Variants in ECT2L observed in about 807,000 individuals in gnomAD.
The protein encoded by ECT2L is epithelial cell transforming 2 like.
In ECT2L, 126 loss-of-function variants were observed where a neutral mutation model predicts 122.8. That is an observed-to-expected ratio of 1.03 (90% CI 0.89 to 1.19). The LOEUF (loss-of-function observed/expected upper bound fraction) is 1.19, where lower values mean the gene tolerates loss of function less well. Ranked by LOEUF, ECT2L falls within the 50% of genes most tolerant of loss-of-function variation. The probability of loss-of-function intolerance (pLI) is 0.00; values close to 1 mark genes in which losing one functional copy is unlikely to be tolerated. For missense variants in ECT2L, 1,012 were observed against 1,064.1 expected (o/e 0.95, Z 0.68); for synonymous variants, 385 against 381.8 (o/e 1.01, Z -0.10).
At chr6:138,846,707 CTGA>C in intron 8 of ECT2L, 30 bp downstream of exon 8, 1 of 1,444,604 alleles carries the variant, frequency 6.9e-7, no homozygotes, top group Non-Finnish European at 9.2e-7. Flanking sequence ...CAGTCCTGTC[CTGA>C]TTGTTTTTTT....
At chr6:138,821,995 T>C (rs948981309) in intron 4 of ECT2L, among the ~76,000 whole-genome samples, 1 of 152,254 alleles carries the variant, frequency 6.6e-6, no homozygotes. Context: ...GACTTCAGAC[T>C]TCTGACCTCC....
At chr6:138,849,808 C>T (rs1777369407) in intron 9 of ECT2L, among the ~76,000 whole-genome samples, 1 of 152,080 alleles carries the variant, frequency 6.6e-6, no homozygotes, top group African/African-American at 2.4e-5. Context: ...CCTGCCTTAG[C>T]CTCTCAAAGG....
intron 4 of ECT2L, among the ~76,000 whole-genome samples, chr6:138,820,000 C>A (rs9321677): frequency 0.61 from 93,121 of 152,022 alleles, 28,633 homozygotes; most frequent in Middle Eastern, 0.69. Flanking sequence ...AAATCTTTCC[C>A]CTTGTCTTTC....
At chr6:138,864,748 T>C (rs1777965796) in intron 11 of ECT2L, among the ~76,000 whole-genome samples, 1 of 152,196 alleles carries the variant, frequency 6.6e-6, no homozygotes, top group Non-Finnish European at 1.5e-5. Flanking sequence ...TCTTTAAACA[T>C]TGAATGGAAT....
At chr6:138,854,342 C>T (rs1777545970) in intron 10 of ECT2L, among the ~76,000 whole-genome samples, 188 bp downstream of exon 10, 1 of 152,104 alleles carries the variant, frequency 6.6e-6, no homozygotes, top group Admixed American at 6.5e-5. Context: ...TGAAAGTAAC[C>T]TGTCTCTACA....
In ECT2L at chr6:138,902,686, A is replaced by G. The variant is rs1397478179; in HGVS notation, c.*59A>G. On this transcript the variant is annotated 3_prime_UTR_variant, in exon 22 of 22. Coordinates refer to ENST00000541398, the MANE Select transcript of ECT2L (RefSeq NM_001077706.3). ...TCCCCAGCAAAGACAGACAACATGT[A>G]TTTTCTGTTCCAAAATATCCAGTAA... 4.4e-6 allele frequency: 7 copies of G among 1,593,810 alleles called. No homozygotes were observed. Among genetic ancestry groups the G allele is most frequent in the Non-Finnish European group, 6.0e-6 (7 of 1,167,706 alleles).
chr6:138,832,043 T>C (rs1262676318), intron 4 of ECT2L, among the ~76,000 whole-genome samples: 1 of 152,212 alleles, frequency 6.6e-6, no homozygotes, highest in East Asian at 1.9e-4. Context: ...TTTTATCATT[T>C]TAAATGACTT....
intron 10 of ECT2L, among the ~76,000 whole-genome samples, chr6:138,861,768 T>C (rs528227354): frequency 1.4e-4 from 21 of 152,348 alleles, no homozygotes; most frequent in Middle Eastern, 6.8e-3. Flanking sequence ...TTGTTGCAAT[T>C]GCTTTTGGTG....
chr6:138,805,562 AG>A (rs1040696003), intron 1 of ECT2L, among the ~76,000 whole-genome samples: 8 of 152,026 alleles, frequency 5.3e-5, no homozygotes, highest in African/African-American at 1.9e-4. Context: ...CTTTGTATGT[AG>A]GGGGCTGGGG....
At chr6:138,835,112 T>G (rs905699066) in intron 4 of ECT2L, among the ~76,000 whole-genome samples, 1 of 151,670 alleles carries the variant, frequency 6.6e-6, no homozygotes, top group Non-Finnish European at 1.5e-5. Context: ...AACTTGGAAC[T>G]GAAGCAAACT....
At chr6:138,875,870 C>T (rs1166701134) in intron 13 of ECT2L, among the ~76,000 whole-genome samples, 2 of 152,192 alleles carry the variant, frequency 1.3e-5, no homozygotes, top group African/African-American at 2.4e-5. Context: ...CCTGTAATCC[C>T]AGCACTTTGG....
At chr6:138,804,849 C>G (rs1775661793) in intron 1 of ECT2L, among the ~76,000 whole-genome samples, 1 of 152,152 alleles carries the variant, frequency 6.6e-6, no homozygotes, top group African/African-American at 2.4e-5. Context: ...ATTTTATAAA[C>G]TTCTTGATTG....
At chr6:138,806,815 G>A (rs1045077552) in intron 1 of ECT2L, among the ~76,000 whole-genome samples, 5 of 151,992 alleles carry the variant, frequency 3.3e-5, no homozygotes, top group Admixed American at 6.6e-5. Context: ...ACCTGGCCAC[G>A]CATAGCTTTT....
chr6:138,811,434 C>T lies in ECT2L; in HGVS notation c.-243-1404C>T, dbSNP rs189909684. 2.9e-3 allele frequency among the ~76,000 whole-genome samples: 446 copies of T among 152,332 alleles called. 1 individual carries two copies. Among genetic ancestry groups the T allele is most frequent in the Admixed American group, 0.016 (239 of 15,302 alleles). On this transcript the variant is annotated intron_variant, in intron 1 of 21. Transcript: ENST00000541398. ...CTGGTTATGAACTGAGATGTATCCC[C>T]TTTCCCCACAAATTATATGTTGAAG... is the stretch of plus-strand genomic sequence containing the variant.
At chr6:138,882,467 T>C (rs1562490512) in intron 15 of ECT2L, among the ~76,000 whole-genome samples, 1 of 152,148 alleles carries the variant, frequency 6.6e-6, no homozygotes, top group Non-Finnish European at 1.5e-5. Context: ...GCAGCTGTAT[T>C]GTGGCCATTG....
At chr6:138,840,174 CTCA>C (rs781740139) in intron 5 of ECT2L, among the ~76,000 whole-genome samples, 39 of 151,976 alleles carry the variant, frequency 2.6e-4, no homozygotes, top group Non-Finnish European at 4.7e-4. Flanking sequence ...GATCTTCACC[CTCA>C]TCATCTTCAT....
intron 13 of ECT2L, among the ~76,000 whole-genome samples, chr6:138,876,070 G>A (rs1778439139): frequency 6.6e-6 from 1 of 151,816 alleles, no homozygotes; most frequent in African/African-American, 2.4e-5. Context: ...AGTGAGCCGA[G>A]ATTGTGCCAT....
intron 2 of ECT2L, 30 bp downstream of exon 2, chr6:138,813,007 A>C: frequency 3.1e-6 from 1 of 327,672 alleles, no homozygotes; most frequent in Non-Finnish European, 5.5e-6. Context: ...AATGATTTGA[A>C]GTTAATGGGA....
Position 138,881,108 on chromosome 6 carries a change from TTC to T in ECT2L, c.1819_1820del (p.Leu607GlufsTer11), listed in dbSNP as rs778610974. On this transcript the variant is annotated frameshift_variant, in exon 15 of 22. Transcript: ENST00000541398. LOFTEE classifies it high-confidence loss of function. The stretch of plus-strand genomic sequence containing the variant: ...GCAGCATTGTCATCAAACAGAGCGA[TTC>T]TGAGTGCTGCCAATATCCAGATCAT... 4 of 1,614,252 alleles carry T rather than the reference TTC, an allele frequency of 2.5e-6. No individual in the cohort carries two copies. The Admixed American group carries it at 6.7e-5, about 27-fold the overall frequency.
Sources: gnomAD v4.1 joint callset for allele counts (sites outside exome capture counted in the v4.1 genomes callset) on GRCh38, gnomAD v4.1.1 for gene constraint, MANE v1.5 for transcripts, NCBI Gene and HGNC (gene_info 2026-07-23, HGNC 2026-07-21) for gene names.